SH3PXD2A: variants seen among roughly 807,000 people sequenced by gnomAD.
SH3PXD2A encodes SH3 and PX domain-containing protein 2A.
A neutral mutation model predicts 115.2 loss-of-function variants in SH3PXD2A; 32 were observed. The ratio of observed to expected loss-of-function variants is 0.28; its 90% CI spans 0.21 to 0.37. SH3PXD2A has a LOEUF of 0.37. Among genes scored for constraint, SH3PXD2A ranks in the 10% least tolerant of loss-of-function variants. The pLI is 1.00. For missense variants in SH3PXD2A, 1,328 were observed against 1,498.7 expected (o/e 0.89, Z 1.88); for synonymous variants, 610 against 629.1 (o/e 0.97, Z 0.45).
rs1030297382 is a variant in SH3PXD2A at position 103,620,814 on chromosome 10, C to T, written c.802+1656G>A. Among the ~76,000 whole-genome samples, 1 of 152,166 alleles carries T rather than the reference C, an allele frequency of 6.6e-6. No homozygotes were observed. The highest frequency in any genetic ancestry group is 2.4e-5 in the African/African-American group (1 of 41,426). On this transcript the variant is annotated intron_variant, in intron 10 of 14. Coordinates refer to ENST00000369774, the MANE Select transcript of SH3PXD2A (RefSeq NM_001394015.1). The surrounding 1 kb of genome is among the most constrained non-coding windows in gnomAD (Gnocchi z 5.3). Reference sequence around the variant, plus strand: ...ATTTCATTGCGTATTTGTGTCTCCACATATCACTGTATGTCTGTGACTGGC... The same window carrying T: ...ATTTCATTGCGTATTTGTGTCTCCATATATCACTGTATGTCTGTGACTGGC...
chr10:103,790,582 C>T (rs1029188499), intron 2 of SH3PXD2A, among the ~76,000 whole-genome samples: 1 of 152,152 alleles, frequency 6.6e-6, no homozygotes, highest in African/African-American at 2.4e-5. Context: ...CTTGGGACCT[C>T]ATTTCCTTGT....
At chr10:103,825,345 T>C (rs1305380952) in intron 1 of SH3PXD2A, among the ~76,000 whole-genome samples, 1 of 152,172 alleles carries the variant, frequency 6.6e-6, no homozygotes, top group African/African-American at 2.4e-5. Context: ...GAGAATTTAC[T>C]CAAGGTATAA....
intron 7 of SH3PXD2A, among the ~76,000 whole-genome samples, chr10:103,663,378 C>T (rs1183540968): frequency 6.6e-6 from 1 of 152,256 alleles, no homozygotes; most frequent in Non-Finnish European, 1.5e-5. Flanking sequence ...GACTCTAGCT[C>T]CCACAGCTGC....
intron 1 of SH3PXD2A, among the ~76,000 whole-genome samples, chr10:103,828,572 T>C (rs1322256361): frequency 6.6e-6 from 1 of 152,100 alleles, no homozygotes; most frequent in African/African-American, 2.4e-5. Flanking sequence ...GGAAAGTGGG[T>C]GGGAGAAGCC....
intron 5 of SH3PXD2A, among the ~76,000 whole-genome samples, chr10:103,698,031 C>T (rs1428110908): frequency 6.6e-6 from 1 of 152,194 alleles, no homozygotes. Flanking sequence ...AACAGACAGC[C>T]CTGACCCACA....
intron 3 of SH3PXD2A, among the ~76,000 whole-genome samples, chr10:103,751,626 C>T (rs1434780180): frequency 6.6e-6 from 1 of 152,178 alleles, no homozygotes; most frequent in Non-Finnish European, 1.5e-5. Flanking sequence ...CTTTAAAAAT[C>T]CTCATGGGCA....
At chr10:103,739,729 A>T (rs2038422736) in intron 3 of SH3PXD2A, among the ~76,000 whole-genome samples, 2 of 152,176 alleles carry the variant, frequency 1.3e-5, no homozygotes, top group Admixed American at 6.5e-5. Flanking sequence ...TGAGCATCGC[A>T]AGGAAGATTG....
chr10:103,813,989 C>T (rs1316209331), intron 1 of SH3PXD2A, among the ~76,000 whole-genome samples: 1 of 133,016 alleles, frequency 7.5e-6, no homozygotes, highest in Non-Finnish European at 1.6e-5. Flanking sequence ...AAAAAGACCA[C>T]TGGACTAGCT....
At chr10:103,706,936 C>T (rs1592311643) in intron 5 of SH3PXD2A, among the ~76,000 whole-genome samples, 1 of 152,214 alleles carries the variant, frequency 6.6e-6, no homozygotes, top group African/African-American at 2.4e-5. Context: ...CAGCCCGCGG[C>T]CTCCTGTGCT....
At chr10:103,703,687 A>T (rs950724496) in intron 5 of SH3PXD2A, among the ~76,000 whole-genome samples, 1 of 152,188 alleles carries the variant, frequency 6.6e-6, no homozygotes, top group East Asian at 1.9e-4. Flanking sequence ...GGCGCTGAGC[A>T]CTCAAACACT....
At chr10:103,669,561 A>T (rs2037430546) in intron 6 of SH3PXD2A, among the ~76,000 whole-genome samples, 1 of 152,182 alleles carries the variant, frequency 6.6e-6, no homozygotes, top group African/African-American at 2.4e-5. Context: ...AACTACAGTG[A>T]CTCATTTAGT....
chr10:103,727,730 C>T (rs1044761928), intron 4 of SH3PXD2A, among the ~76,000 whole-genome samples: 1 of 152,240 alleles, frequency 6.6e-6, no homozygotes, highest in African/African-American at 2.4e-5. Flanking sequence ...GCCACGAGGG[C>T]CTCAGACAAA....
intron 1 of SH3PXD2A, among the ~76,000 whole-genome samples, chr10:103,819,842 G>A (rs990789169): frequency 6.6e-6 from 1 of 151,986 alleles, no homozygotes; most frequent in Non-Finnish European, 1.5e-5. Context: ...AGGAGGGGGG[G>A]AGATGGGAGC....
At chr10:103,760,075 G>A (rs537857356) in intron 3 of SH3PXD2A, among the ~76,000 whole-genome samples, 41 of 152,296 alleles carry the variant, frequency 2.7e-4, no homozygotes, top group Admixed American at 3.3e-4. Flanking sequence ...TGGGGCATAC[G>A]GCAGGTTTGC....
intron 4 of SH3PXD2A, 21 bp downstream of exon 4, chr10:103,735,711 C>A (rs1336208966): frequency 6.4e-7 from 1 of 1,572,622 alleles, no homozygotes; most frequent in African/African-American, 1.3e-5. Flanking sequence ...GCCCCTCCCC[C>A]AGCCCCAGAT....
chr10:103,783,199 G>C (rs952126014), intron 2 of SH3PXD2A, among the ~76,000 whole-genome samples: 4 of 152,240 alleles, frequency 2.6e-5, no homozygotes, highest in Admixed American at 2.0e-4. Context: ...GGCAGGCAAG[G>C]AGTTTGGAGT....
chr10:103,736,693 C>T (rs2038384566), intron 3 of SH3PXD2A: 3 of 1,035,686 alleles, frequency 2.9e-6, no homozygotes, highest in Admixed American at 4.6e-5. Context: ...TTGTCCATTC[C>T]TAGGCTATCT....
Position 103,767,478 on chromosome 10 carries a change from C to T in SH3PXD2A, c.154-309G>A, listed in dbSNP as rs572802271. ...ACCAGAGGCTTTCAGGCCAGGCTGC[C>T]TGTAGGGTTTCCAGAGGCTCCTTTG... On this transcript the variant is annotated intron_variant, in intron 2 of 14. Coordinates refer to ENST00000369774, the MANE Select transcript of SH3PXD2A (RefSeq NM_001394015.1). Among the ~76,000 whole-genome samples, 6 of 152,310 alleles carry T rather than the reference C, an allele frequency of 3.9e-5. No individual in the cohort carries two copies. The South Asian group carries it at 1.2e-3, about 32-fold the overall frequency.
At chr10:103,606,033 G>GT in intron 13 of SH3PXD2A, 116 bp from the exon 14 acceptor site, 1 of 1,011,194 alleles carries the variant, frequency 9.9e-7, no homozygotes, top group Non-Finnish European at 1.5e-6. Context: ...ACACCAGCTG[G>GT]ACAGCAGCTG....
Sources: gnomAD v4.1 joint callset for allele counts (sites outside exome capture counted in the v4.1 genomes callset) on GRCh38, gnomAD v4.1.1 for gene constraint, Gnocchi (gnomAD v3.1) non-coding constraint, MANE v1.5 for transcripts, NCBI Gene and HGNC (gene_info 2026-07-23, HGNC 2026-07-21) for gene names.